Variants in LRCH4 observed in about 807,000 individuals in gnomAD.
The protein encoded by LRCH4 is leucine-rich repeat and calponin homology domain-containing protein 4.
A neutral mutation model predicts 81.2 loss-of-function variants in LRCH4; 56 were observed. The observed-to-expected ratio is 0.69, with a 90% CI of 0.56 to 0.86. The LOEUF (loss-of-function observed/expected upper bound fraction) is 0.86. LRCH4 is among the 40% of genes least tolerant of loss of function. The probability of loss-of-function intolerance (pLI) is 0.00; values close to 1 mark genes in which losing one functional copy is unlikely to be tolerated. For synonymous variants in LRCH4, 442 were observed against 409.7 expected (o/e 1.08, Z -0.95); for missense variants, 895 against 922.8 (o/e 0.97, Z 0.39).
chr7:100,586,082 C>A lies in LRCH4; in HGVS notation c.19G>T (p.Ala7Ser), dbSNP rs1801737593. The A allele has an allele frequency of 1.3e-6, 2 of 1,535,802 alleles. No homozygotes were observed. The highest frequency in any genetic ancestry group is 2.8e-5 in the African/African-American group (2 of 72,138). MAAAVA[A>S]PLAAGGEEAA... ...TCCTCACCCCCGGCGGCGAGTGGAG[C>A]CGCTACGGCCGCCGCCATCCGCTCC... Residue 7 changes from alanine to serine, a missense_variant, in exon 1 of 18, where the codon GCT (alanine) becomes TCT (serine). Coordinates refer to ENST00000310300, the MANE Select transcript of LRCH4 (RefSeq NM_002319.5).
chr7:100,584,517 A>G (rs1236109168), intron 1 of LRCH4, among the ~76,000 whole-genome samples: 2 of 151,772 alleles, frequency 1.3e-5, no homozygotes, highest in African/African-American at 4.8e-5. Flanking sequence ...GAAGTAAAGA[A>G]TAACATTTGG....
chr7:100,581,822 G>C lies in LRCH4; in HGVS notation c.553C>G (p.Arg185Gly). Residue 185 changes from arginine to glycine, a missense_variant, in exon 4 of 18, where the codon CGG becomes GGG. By Grantham distance (125) the Arg-to-Gly change is moderately radical (BLOSUM62 -2). Coordinates refer to ENST00000310300, the MANE Select transcript of LRCH4 (RefSeq NM_002319.5). ...TGGTTCCTCCGGACATTGAGGTCCC[G>C]CAGGGAAGAGAGGCCACACAGTTCC... is the stretch of plus-strand genomic sequence containing the variant. ...PSELCGLSSL[R>G]DLNVRRNQLS... 1 of 1,614,152 alleles carries C rather than the reference G, an allele frequency of 6.2e-7. No homozygotes were observed. The highest frequency in any genetic ancestry group is 8.5e-7 in the Non-Finnish European group (1 of 1,180,014).
At position 100,585,979 on chromosome 7, in the gene LRCH4, G is replaced by A. The variant is rs1403834616; in HGVS notation, c.122C>T (p.Ala41Val). ...CAGGTTCAGGGTCCCGGTGGCCACG[G>A]CCTCCTCTAGGGCCCGCTCTGCACT... ...RRSAERALEE[A>V]VATGTLNLSN... Residue 41 changes from alanine (A) to valine (V), a missense_variant, in exon 1 of 18, where the codon GCC (alanine) becomes GTC (valine). Ala to Val is a moderately conservative substitution (Grantham distance 64). Coordinates refer to ENST00000310300, the MANE Select transcript of LRCH4 (RefSeq NM_002319.5). 2 of 1,611,832 alleles carry A rather than the reference G, an allele frequency of 1.2e-6. No individual in the cohort carries two copies. Among genetic ancestry groups the A allele is most frequent in the Non-Finnish European group, 1.7e-6 (2 of 1,178,892 alleles).
rs1801386609 is a variant in LRCH4, at chr7:100,577,032, G to C, written c.1365-27C>G. 1.2e-6 allele frequency: 2 copies of C among 1,613,920 alleles called. No homozygotes were observed. Among genetic ancestry groups the C allele is most frequent in the Admixed American group, 1.7e-5 (1 of 60,008 alleles). On this transcript the variant is annotated intron_variant, in intron 12 of 17. Transcript: ENST00000310300. The surrounding 1 kb of genome is among the most constrained non-coding windows in gnomAD (Gnocchi z 6.7). ...TGAGGAGAGACAGAAGGGAATTAGA[G>C]GGATGATGGTCATAGGAAGAGGAGT...
In LRCH4 at chr7:100,575,329, C is replaced by T. The variant is rs771359999; in HGVS notation, c.1855-25G>A. 38 of 1,518,966 alleles carry T rather than the reference C, an allele frequency of 2.5e-5. No individual in the cohort carries two copies. Among genetic ancestry groups the T allele is most frequent in the South Asian group, 3.7e-5 (3 of 81,162 alleles). 94.1% of individuals were successfully genotyped at this position (1,518,966 alleles called of 1,614,324 possible). ...CCTGGGGGAGAGGAGAGCAGGTGGA[C>T]AAGGACAAGGGACAGACGTCAGCAG... On this transcript the variant is annotated intron_variant, in intron 17 of 17. Transcript: ENST00000310300. The surrounding 1 kb of genome is among the most constrained non-coding windows in gnomAD (Gnocchi z 5.3).
Position 100,578,719 on chromosome 7 carries a change from G to A in LRCH4, c.666C>T (p.Ser222=), listed in dbSNP as rs760078044. The change falls in exon 5 of 18, where the codon TCC becomes TCT. Residue 222 remains serine (S), a synonymous_variant. Transcript: ENST00000310300. This position sits in a 1 kb window ranked among gnomAD's most constrained non-coding sequence, Gnocchi z 5.7. The stretch of plus-strand genomic sequence containing the variant: ...CCTGCAGGTGCCTCAGGCGGCAGAA[G>A]GAGACTGGGATTCGGGAGACGCGGT... ...SCNRVSRIPV[S]FCRLRHLQVI... 5 of 1,614,080 alleles carry A rather than the reference G, an allele frequency of 3.1e-6. No homozygotes were observed. The highest frequency in any genetic ancestry group is 1.7e-5 in the Admixed American group (1 of 60,004).
Position 100,577,092 on chromosome 7 carries a change from A to T in LRCH4, c.1358T>A (p.Met453Lys), listed in dbSNP as rs959033026. The T allele has an allele frequency of 3.1e-6, 5 of 1,614,014 alleles. No individual in the cohort carries two copies. In the African/African-American group the frequency reaches 6.7e-5, roughly 22 times the overall value. The change falls in exon 12 of 18, where the codon ATG becomes AAG. Residue 453 changes from methionine to lysine, a missense_variant. Coordinates refer to ENST00000310300, the MANE Select transcript of LRCH4 (RefSeq NM_002319.5). The surrounding 1 kb of genome is among the most constrained non-coding windows in gnomAD (Gnocchi z 6.7). ...GGAAAVSTQA[M>K]HNGSPKSSAS... ...ATGCTGGCAGGAAACCTACTTGTGC[A>T]TGGCTTGAGTGGACACGGCGGCGGC...
Position 100,586,076 on chromosome 7 carries a change from G to C in LRCH4, c.25C>G (p.Leu9Val). 6.5e-7 allele frequency: 1 copy of C among 1,548,856 alleles called. No homozygotes were observed. Among genetic ancestry groups the C allele is most frequent in the African/African-American group, 1.4e-5 (1 of 72,586 alleles). ...GCCGCCTCCTCACCCCCGGCGGCGA[G>C]TGGAGCCGCTACGGCCGCCGCCATC... The part of the protein sequence containing the change: MAAAVAAP[L>V]AAGGEEAAAT... The change falls in exon 1 of 18, where the codon CTC (leucine) becomes GTC (valine). Residue 9 changes from leucine (L) to valine (V), a missense_variant. By Grantham distance (32) the Leu-to-Val change is conservative. This residue lies in a region of LRCH4 where 360 missense variants were observed against 397.0 expected (regional missense o/e 0.91). Coordinates refer to ENST00000310300, the MANE Select transcript of LRCH4 (RefSeq NM_002319.5).
In LRCH4 at chr7:100,578,310, C is replaced by T. The variant is rs755695889; in HGVS notation, c.849-52G>A. ...AGCCTGATGCTGGACAACAGCCCCCCATCCTCCTGCCAGAAAGCAGGGGGT... is the reference window on the plus strand; with the variant it reads ...AGCCTGATGCTGGACAACAGCCCCCTATCCTCCTGCCAGAAAGCAGGGGGT... On this transcript the variant is annotated intron_variant, in intron 6 of 17. Transcript: ENST00000310300. This position sits in a 1 kb window ranked among gnomAD's most constrained non-coding sequence, Gnocchi z 5.7. 1.9e-6 allele frequency: 3 copies of T among 1,602,648 alleles called. No individual in the cohort carries two copies. Among genetic ancestry groups the T allele is most frequent in the Non-Finnish European group, 2.6e-6 (3 of 1,169,688 alleles).
chr7:100,582,038 C>A lies in LRCH4; in HGVS notation c.492+3G>T. On this transcript the variant is annotated splice_donor_region_variant and intron_variant, in intron 3 of 17. Coordinates refer to ENST00000310300, the MANE Select transcript of LRCH4 (RefSeq NM_002319.5). The surrounding 1 kb of genome is among the most constrained non-coding windows in gnomAD (Gnocchi z 5.0). Reference sequence around the variant, plus strand: ...CCTTTCCTGGTCCCGTCCCCATCCTCACAAGCTGTCGCAGGCTTCCCAGGG... The same window carrying A: ...CCTTTCCTGGTCCCGTCCCCATCCTAACAAGCTGTCGCAGGCTTCCCAGGG... The A allele has an allele frequency of 6.2e-7, 1 of 1,607,024 alleles. No individual in the cohort carries two copies. Among genetic ancestry groups the A allele is most frequent in the South Asian group, 1.1e-5 (1 of 90,846 alleles).
chr7:100,577,945 C>T lies in LRCH4; in HGVS notation c.949-33G>A, dbSNP rs1274160291. 1 of 1,571,966 alleles carries T rather than the reference C, an allele frequency of 6.4e-7. No homozygotes were observed. The highest frequency in any genetic ancestry group is 1.1e-5 in the South Asian group (1 of 89,878). On this transcript the variant is annotated intron_variant, in intron 7 of 17. Transcript: ENST00000310300. This position sits in a 1 kb window ranked among gnomAD's most constrained non-coding sequence, Gnocchi z 6.7. ...GGCAGAGGCAGAGATGGGAGATGGCCTCTCTGTACATGGGGGCTCAGGACC... is the reference window on the plus strand; with the variant it reads ...GGCAGAGGCAGAGATGGGAGATGGCTTCTCTGTACATGGGGGCTCAGGACC...
At chr7:100,581,280 C>T (rs533004598) in intron 4 of LRCH4, among the ~76,000 whole-genome samples, 1 of 152,326 alleles carries the variant, frequency 6.6e-6, no homozygotes, top group Admixed American at 6.5e-5. Flanking sequence ...AGATCGTTTA[C>T]AGTTTGTTTT....
Position 100,583,264 on chromosome 7 carries a change from T to A in LRCH4, c.221-805A>T, listed in dbSNP as rs530636411. Among the ~76,000 whole-genome samples, 2 of 152,242 alleles carry A rather than the reference T, an allele frequency of 1.3e-5. No homozygotes were observed. The highest frequency in any genetic ancestry group is 4.8e-5 in the African/African-American group (2 of 41,546). Reference sequence around the variant, plus strand: ...CAAGAGATCAGCAACTGTGTGAGCATCTCAGGCACGGCGAGGGTGGAGAGT... The same window carrying A: ...CAAGAGATCAGCAACTGTGTGAGCAACTCAGGCACGGCGAGGGTGGAGAGT... On this transcript the variant is annotated intron_variant, in intron 1 of 17. Coordinates refer to ENST00000310300, the MANE Select transcript of LRCH4 (RefSeq NM_002319.5). This position sits in a 1 kb window ranked among gnomAD's most constrained non-coding sequence, Gnocchi z 4.3.
At position 100,575,986 on chromosome 7, in the gene LRCH4, CGCT is replaced by C. The variant is rs1562804534; in HGVS notation, c.1658_1660del (p.Gln553del). On this transcript the variant is annotated inframe_deletion, in exon 16 of 18. Coordinates refer to ENST00000310300, the MANE Select transcript of LRCH4 (RefSeq NM_002319.5). This position sits in a 1 kb window ranked among gnomAD's most constrained non-coding sequence, Gnocchi z 5.3. ...CTCGGCCAGGTCCTCAGGCAGGGGC[CGCT>C]GCAGCCGGGACTCAAGGACCTGGCA... is the stretch of plus-strand genomic sequence containing the variant. 1 of 1,606,276 alleles carries C rather than the reference CGCT, an allele frequency of 6.2e-7. No individual in the cohort carries two copies. The highest frequency in any genetic ancestry group is 2.2e-5 in the East Asian group (1 of 44,776).
chr7:100,576,379 G>T (rs1801360248), intron 14 of LRCH4, 56 bp from the exon 15 acceptor site: 13 of 1,334,288 alleles, frequency 9.7e-6, no homozygotes, highest in Middle Eastern at 3.6e-4. Context: ...TGACTCTGTA[G>T]CTGGGTCCCA....
At position 100,577,740 on chromosome 7, in the gene LRCH4, G is replaced by A. The variant is rs1056466447; in HGVS notation, c.1040C>T (p.Ala347Val). 28 of 1,613,960 alleles carry A rather than the reference G, an allele frequency of 1.7e-5. No homozygotes were observed. The highest frequency in any genetic ancestry group is 2.7e-5 in the African/African-American group (2 of 74,920). Reference protein sequence around the residue: ...GPRERKEDGSADGDPVQIDFI... With the variant: ...GPRERKEDGSVDGDPVQIDFI... ...GTCAATCTGCACAGGGTCTCCGTCC[G>A]CTGGGGAGGCCAGCATGTCAGCAAG... Residue 347 changes from alanine (A) to valine (V), a missense_variant and splice_region_variant, in exon 9 of 18, where the codon GCG becomes GTG. Transcript: ENST00000310300. This position sits in a 1 kb window ranked among gnomAD's most constrained non-coding sequence, Gnocchi z 6.7.
intron 1 of LRCH4, chr7:100,584,807 G>A (rs763512567): frequency 5.3e-5 from 24 of 456,464 alleles, no homozygotes; most frequent in South Asian, 3.6e-4. Context: ...CCTGCTTAGG[G>A]AGAAGTAAGC....
In LRCH4 at chr7:100,582,311, C is replaced by T; in HGVS notation, c.365+4G>A. On this transcript the variant is annotated splice_donor_region_variant and intron_variant, in intron 2 of 17. Transcript: ENST00000310300. The surrounding 1 kb of genome is among the most constrained non-coding windows in gnomAD (Gnocchi z 5.0). ...CCCACGTGGCCCTGGCTCGGCCTCCCTACCTGAGGTTGAGGTAGGTGAGGG... is the reference window on the plus strand; with the variant it reads ...CCCACGTGGCCCTGGCTCGGCCTCCTTACCTGAGGTTGAGGTAGGTGAGGG... 2 of 1,614,128 alleles carry T rather than the reference C, an allele frequency of 1.2e-6. No individual in the cohort carries two copies. Among genetic ancestry groups the T allele is most frequent in the Non-Finnish European group, 1.7e-6 (2 of 1,180,022 alleles).
At chr7:100,584,044 C>T (rs1801640644) in intron 1 of LRCH4, 1 of 421,178 alleles carries the variant, frequency 2.4e-6, no homozygotes, top group Admixed American at 2.5e-5. Context: ...CCCAGGGAGC[C>T]TAGTCCAAGG....
Sources: gnomAD v4.1 joint callset for allele counts (sites outside exome capture counted in the v4.1 genomes callset) on GRCh38, gnomAD v4.1.1 for gene constraint, gnomAD v4.1.1 regional missense constraint, Gnocchi (gnomAD v3.1) non-coding constraint, MANE v1.5 for transcripts, NCBI Gene and HGNC (gene_info 2026-07-23, HGNC 2026-07-21) for gene names.